The following HSPA12A variants were observed in gnomAD, a reference collection of about 807,000 sequenced individuals.
HSPA12A encodes heat shock protein family A (Hsp70) member 12A.
HSPA12A carries 28 observed loss-of-function variants against 69.2 expected under a neutral mutation model. That is an observed-to-expected ratio of 0.40 (90% CI 0.30 to 0.55). The LOEUF (loss-of-function observed/expected upper bound fraction) is 0.55, where lower values mean the gene tolerates loss of function less well. Ranked by LOEUF, HSPA12A falls within the 20% of genes least tolerant of loss-of-function variation. The probability of loss-of-function intolerance (pLI) is 0.38; values close to 1 mark genes in which losing one functional copy is unlikely to be tolerated. For missense variants in HSPA12A, 686 were observed against 900.7 expected (o/e 0.76, Z 3.05); for synonymous variants, 345 against 370.5 (o/e 0.93, Z 0.79).
At chr10:116,705,964 C>G (rs1397809871) in intron 2 of HSPA12A, among the ~76,000 whole-genome samples, 1 of 146,314 alleles carries the variant, frequency 6.8e-6, no homozygotes, top group African/African-American at 2.6e-5. Context: ...GGCCCAATCT[C>G]GGCTCACTGC....
chr10:116,695,111 A>G (rs3010468), intron 5 of HSPA12A, among the ~76,000 whole-genome samples: 79,578 of 151,660 alleles, frequency 0.52, 21,264 homozygotes, highest in Middle Eastern at 0.64. Flanking sequence ...CTTGCTCCCC[A>G]AATGACCCTG....
intron 2 of HSPA12A, chr10:116,830,457 TATATGCTAC>T (rs1360097930): frequency 1.3e-5 from 2 of 152,242 alleles, no homozygotes. Flanking sequence ...TATGTGTATG[TATATGCTAC>T]ACATGTATAT....
At chr10:116,773,020 G>A (rs1371954717) in intron 2 of HSPA12A, among the ~76,000 whole-genome samples, 1 of 152,186 alleles carries the variant, frequency 6.6e-6, no homozygotes, top group Non-Finnish European at 1.5e-5. Context: ...GTTCTTCTGA[G>A]AAGGGGCTCA....
At chr10:116,836,801 AC>A (rs1845721004) in intron 1 of HSPA12A, among the ~76,000 whole-genome samples, 1 of 151,424 alleles carries the variant, frequency 6.6e-6, no homozygotes, top group Non-Finnish European at 1.5e-5. Context: ...ACACACACAC[AC>A]AAACTCCTTC....
intron 1 of HSPA12A, among the ~76,000 whole-genome samples, chr10:116,842,094 T>C (rs897562190): frequency 3.3e-5 from 5 of 152,218 alleles, no homozygotes; most frequent in Non-Finnish European, 4.4e-5. Context: ...AGATAATTCC[T>C]CTTAAGCAGA....
intron 1 of HSPA12A, among the ~76,000 whole-genome samples, chr10:116,711,471 T>A (rs953547486): frequency 6.6e-6 from 1 of 152,054 alleles, no homozygotes; most frequent in East Asian, 1.9e-4. Context: ...TATCAAGAAA[T>A]GTGATCAAGG....
intron 2 of HSPA12A, among the ~76,000 whole-genome samples, chr10:116,706,264 C>T (rs1850246297): frequency 6.6e-6 from 1 of 150,670 alleles, no homozygotes. Flanking sequence ...ATAAAACCAA[C>T]AAATGTTGGA....
chr10:116,694,247 T>C (rs1849817381), intron 5 of HSPA12A, among the ~76,000 whole-genome samples: 1 of 152,132 alleles, frequency 6.6e-6, no homozygotes, highest in Admixed American at 6.5e-5. Context: ...GTGGCTTCAT[T>C]TCTGTGACTC....
chr10:116,768,200 G>A (rs1242963655), intron 2 of HSPA12A, among the ~76,000 whole-genome samples: 5 of 152,194 alleles, frequency 3.3e-5, no homozygotes, highest in South Asian at 2.1e-4. Context: ...TATATGCTAC[G>A]ACATGAATGA....
intron 6 of HSPA12A, among the ~76,000 whole-genome samples, chr10:116,685,729 T>C (rs1024577762): frequency 6.6e-6 from 1 of 151,998 alleles, no homozygotes; most frequent in Non-Finnish European, 1.5e-5. Flanking sequence ...TGGCCCACTG[T>C]CCCAGTTTGC....
chr10:116,742,558 G>T lies in HSPA12A; in HGVS notation c.-89C>A. ...TGTCCGCGTCCGCGGCGGCGCTCGGGCCGTGTCTGAGCCGCCGGGCAGCGG... is the reference window on the plus strand; with the variant it reads ...TGTCCGCGTCCGCGGCGGCGCTCGGTCCGTGTCTGAGCCGCCGGGCAGCGG... On this transcript the variant is annotated 5_prime_UTR_variant, in exon 1 of 12. Coordinates refer to ENST00000369209, the MANE Select transcript of HSPA12A (RefSeq NM_025015.3). 1 of 1,164,522 alleles carries T rather than the reference G, an allele frequency of 8.6e-7. No homozygotes were observed. The allele number at this position is 1,164,522 out of a possible 1,614,324, so 72.1% of individuals were successfully genotyped here. A position where few individuals can be genotyped will look rare whatever the true frequency, so the allele number is the denominator to read the frequency against.
intron 1 of HSPA12A, among the ~76,000 whole-genome samples, chr10:116,732,526 T>C (rs1851194482): frequency 6.6e-6 from 1 of 151,876 alleles, no homozygotes; most frequent in African/African-American, 2.4e-5. Context: ...CAAAACCCTT[T>C]CAAAACAGAC....
chr10:116,766,504 C>T (rs782652229), intron 2 of HSPA12A, among the ~76,000 whole-genome samples: 1 of 152,186 alleles, frequency 6.6e-6, no homozygotes, highest in Non-Finnish European at 1.5e-5. Context: ...ACACTTCTGC[C>T]CATCTGCATC....
chr10:116,682,999 G>A (rs975926446), intron 7 of HSPA12A, among the ~76,000 whole-genome samples: 9 of 151,192 alleles, frequency 6.0e-5, no homozygotes, highest in Non-Finnish European at 8.8e-5. Context: ...CACCACGCCC[G>A]GCCCCACAAT....
At chr10:116,805,249 G>A (rs1357885200) in intron 2 of HSPA12A, among the ~76,000 whole-genome samples, 2 of 152,154 alleles carry the variant, frequency 1.3e-5, no homozygotes, top group African/African-American at 2.4e-5. Flanking sequence ...CCGGGAGGCG[G>A]AGCTTGCAGT....
intron 2 of HSPA12A, among the ~76,000 whole-genome samples, chr10:116,826,017 A>C (rs1026291645): frequency 1.3e-5 from 2 of 152,162 alleles, no homozygotes; most frequent in African/African-American, 4.8e-5. Context: ...AGATGTGTGA[A>C]GGGCTGTCAC....
intron 6 of HSPA12A, among the ~76,000 whole-genome samples, chr10:116,687,328 A>AAAGGC (rs1849603583): frequency 6.6e-6 from 1 of 152,176 alleles, no homozygotes; most frequent in African/African-American, 2.4e-5. Flanking sequence ...GAGCAGAGGA[A>AAAGGC]AAGGCAAGGT....
At chr10:116,703,233 G>C (rs1188155604) in intron 3 of HSPA12A, among the ~76,000 whole-genome samples, 1 of 152,174 alleles carries the variant, frequency 6.6e-6, no homozygotes, top group African/African-American at 2.4e-5. Flanking sequence ...ACCCAGGAGT[G>C]TCTGTACCCT....
intron 2 of HSPA12A, among the ~76,000 whole-genome samples, chr10:116,776,658 A>T (rs1844345276): frequency 6.6e-6 from 1 of 152,258 alleles, no homozygotes. Flanking sequence ...TACTCAAGCC[A>T]TTGATTCAGT....
Sources: gnomAD v4.1 joint callset for allele counts (sites outside exome capture counted in the v4.1 genomes callset) on GRCh38, gnomAD v4.1.1 for gene constraint, MANE v1.5 for transcripts, NCBI Gene and HGNC (gene_info 2026-07-23, HGNC 2026-07-21) for gene names.